ARHGEF7: variants seen among roughly 807,000 people sequenced by gnomAD.
ARHGEF7 encodes PAK-interacting exchange factor beta.
ARHGEF7 carries 33 observed loss-of-function variants against 109.8 expected under a neutral mutation model. The ratio of observed to expected loss-of-function variants is 0.30; its 90% CI spans 0.23 to 0.40. ARHGEF7 has a LOEUF of 0.40. Ranked by LOEUF, ARHGEF7 falls within the 10% of genes least tolerant of loss-of-function variation. The pLI, the probability that ARHGEF7 is intolerant of heterozygous loss-of-function variation, is 1.00. For synonymous variants in ARHGEF7, 458 were observed against 424.6 expected (o/e 1.08, Z -0.97); for missense variants, 938 against 1,098.5 (o/e 0.85, Z 2.07).
chr13:111,209,045 G>A (rs186954663), intron 3 of ARHGEF7, among the ~76,000 whole-genome samples: 1 of 152,092 alleles, frequency 6.6e-6, no homozygotes, highest in Non-Finnish European at 1.5e-5. Flanking sequence ...TATAAGATAC[G>A]TGCAAGCCAA....
rs2092562456 is a variant in ARHGEF7, at chr13:111,277,608, C to T, written c.1441C>T (p.Leu481=). ...TTAGGAAAAGAATGAAAGATATCTT[C>T]TACTCTTCCCAAATGTTTTGCTAAT... is the stretch of plus-strand genomic sequence containing the variant. The part of the protein sequence containing the change: ...GSEEKNERYL[L]LFPNVLLMLS... Residue 481 remains leucine, a synonymous_variant, in exon 13 of 22, where the codon CTA becomes TTA. Transcript: ENST00000646102. 6.2e-7 allele frequency: 1 copy of T among 1,605,450 alleles called. No individual in the cohort carries two copies. The highest frequency in any genetic ancestry group is 1.3e-5 in the African/African-American group (1 of 74,724).
intron 2 of ARHGEF7, among the ~76,000 whole-genome samples, chr13:111,186,499 G>A (rs1177839176): frequency 6.6e-6 from 1 of 152,136 alleles, no homozygotes; most frequent in African/African-American, 2.4e-5. Context: ...TACAAAATCT[G>A]CAGAAGCCAG....
At chr13:111,156,288 A>C (rs1181106483) in intron 2 of ARHGEF7, among the ~76,000 whole-genome samples, 1 of 152,220 alleles carries the variant, frequency 6.6e-6, no homozygotes, top group Admixed American at 6.5e-5. Flanking sequence ...AATATTTGTT[A>C]CTAATAGAAT....
At chr13:111,282,518 G>A (rs1372989235) in intron 15 of ARHGEF7, among the ~76,000 whole-genome samples, 1 of 152,176 alleles carries the variant, frequency 6.6e-6, no homozygotes, top group Non-Finnish European at 1.5e-5. Context: ...TTAATACCAG[G>A]GTTTGGCAGT....
chr13:111,240,314 G>A (rs1238950089), intron 6 of ARHGEF7, among the ~76,000 whole-genome samples: 2 of 152,238 alleles, frequency 1.3e-5, no homozygotes, highest in African/African-American at 4.8e-5. Context: ...AAAAGTAATA[G>A]AATAACATTT....
intron 1 of ARHGEF7, chr13:111,153,598 A>T (rs1003126645): frequency 5.0e-5 from 56 of 1,119,286 alleles, no homozygotes; most frequent in Middle Eastern, 3.8e-4. Flanking sequence ...ACCCGACGCT[A>T]TCCGAAGACG....
chr13:111,287,431 C>T (rs1023896727), intron 17 of ARHGEF7, among the ~76,000 whole-genome samples: 2 of 152,214 alleles, frequency 1.3e-5, no homozygotes, highest in East Asian at 3.9e-4. Flanking sequence ...TTCATGGACG[C>T]GTGCTTCATC....
chr13:111,197,940 A>C (rs925390670), intron 2 of ARHGEF7, among the ~76,000 whole-genome samples: 1 of 152,086 alleles, frequency 6.6e-6, no homozygotes, highest in African/African-American at 2.4e-5. Flanking sequence ...GTCAGGATGG[A>C]TAGGATAGAT....
chr13:111,200,223 T>G (rs1048627544), intron 2 of ARHGEF7, among the ~76,000 whole-genome samples: 2 of 152,136 alleles, frequency 1.3e-5, no homozygotes, highest in African/African-American at 4.8e-5. Context: ...TGCTGCATCC[T>G]TCATTTTCCT....
chr13:111,252,280 G>A (rs1173164284), intron 8 of ARHGEF7, among the ~76,000 whole-genome samples: 2 of 152,156 alleles, frequency 1.3e-5, no homozygotes, highest in Non-Finnish European at 2.9e-5. Context: ...TTGGTGTATG[G>A]GAGAACACAT....
rs1595263756 is a variant in ARHGEF7 at position 111,258,525 on chromosome 13, G to A, written c.951-9023G>A. Among the ~76,000 whole-genome samples the A allele has an allele frequency of 6.6e-6, 1 of 152,224 alleles. No homozygotes were observed. ...CTTGGAAGGGAAGCACCCAGTTCCT[G>A]TCAGGATCCATCATCTGCTGACTAA... On this transcript the variant is annotated intron_variant, in intron 8 of 21. Transcript: ENST00000646102. The surrounding 1 kb of genome is among the most constrained non-coding windows in gnomAD (Gnocchi z 4.4).
intron 8 of ARHGEF7, among the ~76,000 whole-genome samples, chr13:111,246,890 C>T (rs1436407902): frequency 3.3e-5 from 5 of 152,200 alleles, no homozygotes; most frequent in Non-Finnish European, 7.3e-5. Flanking sequence ...GGCATTATAT[C>T]AGCCCTGCGA....
At chr13:111,191,618 A>G (rs2079900891) in intron 2 of ARHGEF7, among the ~76,000 whole-genome samples, 1 of 152,184 alleles carries the variant, frequency 6.6e-6, no homozygotes, top group Non-Finnish European at 1.5e-5. Context: ...CAAAGCCAAC[A>G]GTCATTTGTG....
chr13:111,233,380 G>T, intron 6 of ARHGEF7, 87 bp downstream of exon 6: 1 of 1,035,668 alleles, frequency 9.7e-7, no homozygotes, highest in Non-Finnish European at 1.5e-6. Context: ...AAAGTACCTA[G>T]AATAGGAAGA....
At chr13:111,290,720 T>C (rs1348196031) in intron 18 of ARHGEF7, among the ~76,000 whole-genome samples, 1 of 152,260 alleles carries the variant, frequency 6.6e-6, no homozygotes, top group African/African-American at 2.4e-5. Context: ...AAGAAAAGCA[T>C]TGAACGATAC....
At chr13:111,206,134 A>G (rs2081807572) in intron 3 of ARHGEF7, among the ~76,000 whole-genome samples, 1 of 151,830 alleles carries the variant, frequency 6.6e-6, no homozygotes, top group Non-Finnish European at 1.5e-5. Context: ...CGGATGTTAA[A>G]TATCAGGTTT....
At chr13:111,242,991 T>A (rs973573352) in intron 6 of ARHGEF7, among the ~76,000 whole-genome samples, 6 of 152,248 alleles carry the variant, frequency 3.9e-5, no homozygotes, top group Non-Finnish European at 7.3e-5. Flanking sequence ...AAGACTTAAA[T>A]TATTTTGGCT....
chr13:111,284,804 C>G (rs550594085), intron 16 of ARHGEF7, among the ~76,000 whole-genome samples: 1 of 151,870 alleles, frequency 6.6e-6, no homozygotes, highest in Non-Finnish European at 1.5e-5. Flanking sequence ...CTCTGCAGCC[C>G]GCTCTGCCTG....
chr13:111,153,634 G>C, intron 1 of ARHGEF7: 1 of 1,209,224 alleles, frequency 8.3e-7, no homozygotes, highest in Non-Finnish European at 1.0e-6. Flanking sequence ...CGGGGGCGCG[G>C]TCTGAGGACG....
Sources: gnomAD v4.1 joint callset for allele counts (sites outside exome capture counted in the v4.1 genomes callset) on GRCh38, gnomAD v4.1.1 for gene constraint, Gnocchi (gnomAD v3.1) non-coding constraint, MANE v1.5 for transcripts, NCBI Gene and HGNC (gene_info 2026-07-23, HGNC 2026-07-21) for gene names.